BTBD9: variants seen among roughly 807,000 people sequenced by gnomAD.
BTBD9 encodes the protein BTB/POZ domain-containing protein 9.
In BTBD9, 49 loss-of-function variants were observed where a neutral mutation model predicts 64.3. The observed-to-expected ratio is 0.76, with a 90% CI of 0.61 to 0.97. BTBD9 has a LOEUF of 0.97. BTBD9 is among the 50% of genes least tolerant of loss of function. The pLI, the probability that BTBD9 is intolerant of heterozygous loss-of-function variation, is 0.00. For missense variants in BTBD9, 598 were observed against 762.1 expected (o/e 0.78, Z 2.53); for synonymous variants, 260 against 274.7 (o/e 0.95, Z 0.53).
At chr6:38,558,938 C>A (rs1775148570) in intron 6 of BTBD9, among the ~76,000 whole-genome samples, 1 of 152,162 alleles carries the variant, frequency 6.6e-6, no homozygotes. Flanking sequence ...CGTTTGGAAT[C>A]ATTTCAGTAG....
chr6:38,267,382 G>T (rs942413608), intron 8 of BTBD9, among the ~76,000 whole-genome samples: 2 of 152,192 alleles, frequency 1.3e-5, no homozygotes, highest in African/African-American at 4.8e-5. Context: ...AGAATTCTTG[G>T]ATTTTTACTT....
intron 1 of BTBD9, among the ~76,000 whole-genome samples, chr6:38,609,581 G>A (rs1430247442): frequency 6.6e-6 from 1 of 152,078 alleles, no homozygotes; most frequent in African/African-American, 2.4e-5. Context: ...AAAAGACACA[G>A]AATATATTTT....
At chr6:38,201,842 T>C (rs1762470531) in intron 9 of BTBD9, among the ~76,000 whole-genome samples, 1 of 152,016 alleles carries the variant, frequency 6.6e-6, no homozygotes, top group Non-Finnish European at 1.5e-5. Flanking sequence ...CCATTTACAA[T>C]AGCTGCCATG....
Position 38,217,572 on chromosome 6 carries a change from G to A in BTBD9, c.1563-24975C>T, listed in dbSNP as rs1210496419. Among the ~76,000 whole-genome samples, 3 of 152,250 alleles carry A rather than the reference G, an allele frequency of 2.0e-5. No individual in the cohort carries two copies. In the East Asian group the frequency reaches 5.8e-4, roughly 29 times the overall value. On this transcript the variant is annotated intron_variant, in intron 9 of 10. Transcript: ENST00000481247. ...GTATCCTGGTCAGGCGGAGAGGTTT[G>A]TGAATCCAGGATTACTAGGGTGGGA...
At chr6:38,442,212 G>A (rs1769064856) in intron 6 of BTBD9, among the ~76,000 whole-genome samples, 1 of 152,184 alleles carries the variant, frequency 6.6e-6, no homozygotes, top group Non-Finnish European at 1.5e-5. Context: ...TCTGGGCCGG[G>A]TGCAGTGGCT....
chr6:38,382,100 C>T (rs1765959156), intron 6 of BTBD9, among the ~76,000 whole-genome samples: 1 of 152,096 alleles, frequency 6.6e-6, no homozygotes, highest in East Asian at 1.9e-4. Flanking sequence ...AACCCTTCAA[C>T]AATTAGGGGA....
chr6:38,580,548 A>C, intron 4 of BTBD9, 111 bp from the exon 5 acceptor site: 1 of 868,338 alleles, frequency 1.2e-6, no homozygotes, highest in Non-Finnish European at 1.8e-6. Flanking sequence ...GCATTTAAGA[A>C]CAGCATAGAC....
chr6:38,529,929 A>G (rs1309494336), intron 6 of BTBD9, among the ~76,000 whole-genome samples: 1 of 152,166 alleles, frequency 6.6e-6, no homozygotes, highest in Non-Finnish European at 1.5e-5. Context: ...GGTCAGGCAA[A>G]AAGAGCCATA....
chr6:38,616,376 G>T (rs530497080), intron 1 of BTBD9, among the ~76,000 whole-genome samples: 1 of 152,020 alleles, frequency 6.6e-6, no homozygotes, highest in African/African-American at 2.4e-5. Context: ...CAGACCCAAC[G>T]CCTACTTTTT....
At chr6:38,594,367 T>G (rs375802091) in intron 2 of BTBD9, 40 bp from the exon 3 acceptor site, 6 of 1,528,702 alleles carry the variant, frequency 3.9e-6, no homozygotes, top group Non-Finnish European at 5.3e-6. Flanking sequence ...AACCCTCAAA[T>G]AGGATTTGCT....
chr6:38,206,569 T>TA (rs376076935), intron 9 of BTBD9, among the ~76,000 whole-genome samples: 98 of 140,094 alleles, frequency 7.0e-4, no homozygotes, highest in South Asian at 3.1e-3. Flanking sequence ...AAACAAATGA[T>TA]AAAAAAAAAA....
chr6:38,594,876 G>A (rs2127494144), intron 2 of BTBD9, among the ~76,000 whole-genome samples: 1 of 152,264 alleles, frequency 6.6e-6, no homozygotes, highest in East Asian at 1.9e-4. Flanking sequence ...TCTAAAATGT[G>A]CATACCCTTC....
chr6:38,262,997 G>A (rs563605657), intron 8 of BTBD9, among the ~76,000 whole-genome samples: 16 of 152,316 alleles, frequency 1.1e-4, no homozygotes, highest in South Asian at 2.1e-4. Context: ...GAAGGCCTGG[G>A]ACCATAATGC....
intron 6 of BTBD9, among the ~76,000 whole-genome samples, chr6:38,509,903 T>C (rs1772704571): frequency 6.6e-6 from 1 of 152,194 alleles, no homozygotes; most frequent in African/African-American, 2.4e-5. Context: ...CAAAAAAATA[T>C]TTATCAAGTG....
intron 7 of BTBD9, among the ~76,000 whole-genome samples, chr6:38,341,941 C>T (rs1764119064): frequency 6.6e-6 from 1 of 152,168 alleles, no homozygotes; most frequent in Non-Finnish European, 1.5e-5. Context: ...TACAAAGCCT[C>T]CCATGAGTCT....
At chr6:38,436,516 T>C (rs1344473407) in intron 6 of BTBD9, among the ~76,000 whole-genome samples, 1 of 151,516 alleles carries the variant, frequency 6.6e-6, no homozygotes, top group Non-Finnish European at 1.5e-5. Context: ...GCTGGGATTA[T>C]AGGCGTGCGA....
At chr6:38,558,396 C>A (rs1650163094) in intron 6 of BTBD9, among the ~76,000 whole-genome samples, 1 of 152,184 alleles carries the variant, frequency 6.6e-6, no homozygotes, top group Non-Finnish European at 1.5e-5. Context: ...ATTTCCTTCT[C>A]CTGCCTGACT....
chr6:38,524,501 T>A (rs2127422805), intron 6 of BTBD9, among the ~76,000 whole-genome samples: 1 of 152,290 alleles, frequency 6.6e-6, no homozygotes, highest in South Asian at 2.1e-4. Context: ...AACAAATGAA[T>A]GAGCTACCTT....
At position 38,604,769 on chromosome 6, in the gene BTBD9, T is replaced by C. The variant is rs183548735; in HGVS notation, c.-27-6648A>G. On this transcript the variant is annotated intron_variant, in intron 1 of 10. Coordinates refer to ENST00000481247, the MANE Select transcript of BTBD9 (RefSeq NM_001099272.2). ...GAGTAAGGGTTAATATTCAAATAAT[T>C]GGCTATGTGCTCTCCAAAGTGGGCT... 5.9e-3 allele frequency among the ~76,000 whole-genome samples: 898 copies of C among 152,336 alleles called. 4 individuals carry two copies. The highest frequency in any genetic ancestry group is 0.01 in the Non-Finnish European group (681 of 68,032).
Sources: gnomAD v4.1 joint callset for allele counts (sites outside exome capture counted in the v4.1 genomes callset) on GRCh38, gnomAD v4.1.1 for gene constraint, MANE v1.5 for transcripts, NCBI Gene and HGNC (gene_info 2026-07-23, HGNC 2026-07-21) for gene names.